Variants in BBS9 observed in about 807,000 individuals in gnomAD.
The protein encoded by BBS9 is protein PTHB1.
Under a neutral mutation model 117.7 loss-of-function variants are expected in BBS9, and 89 were observed. That is an observed-to-expected ratio of 0.76 (90% CI 0.64 to 0.90). BBS9 has a LOEUF of 0.90. Ranked by LOEUF, BBS9 falls within the 40% of genes least tolerant of loss-of-function variation. BBS9 has a pLI of 0.00. For missense variants in BBS9, 982 were observed against 1,042.2 expected (o/e 0.94, Z 0.80); for synonymous variants, 379 against 370.9 (o/e 1.02, Z -0.25).
chr7:33,354,061 T>C (rs1439198116), intron 15 of BBS9, among the ~76,000 whole-genome samples: 1 of 152,136 alleles, frequency 6.6e-6, no homozygotes, highest in Non-Finnish European at 1.5e-5. Flanking sequence ...AATTTATTCC[T>C]TCTTACTGTA....
chr7:33,232,713 A>G (rs1422241283), intron 5 of BBS9, among the ~76,000 whole-genome samples: 1 of 152,172 alleles, frequency 6.6e-6, no homozygotes, highest in Non-Finnish European at 1.5e-5. Context: ...AACTTCTTAC[A>G]TAACACATTA....
intron 3 of BBS9, among the ~76,000 whole-genome samples, chr7:33,154,412 A>G (rs540522586): frequency 6.6e-6 from 1 of 152,320 alleles, no homozygotes; most frequent in East Asian, 1.9e-4. Flanking sequence ...AGTCTGTTCT[A>G]AACAGGCGTT....
chr7:33,525,190 G>A (rs2129047829), intron 20 of BBS9, among the ~76,000 whole-genome samples: 1 of 152,042 alleles, frequency 6.6e-6, no homozygotes. Flanking sequence ...TTTTGGAATA[G>A]GTGTGGTGTG....
intron 2 of BBS9, among the ~76,000 whole-genome samples, chr7:33,150,733 G>C (rs554051524): frequency 6.6e-6 from 1 of 152,278 alleles, no homozygotes; most frequent in African/African-American, 2.4e-5. Flanking sequence ...AAGTATACAT[G>C]CTCTGAGAAG....
intron 20 of BBS9, among the ~76,000 whole-genome samples, chr7:33,532,113 T>C (rs550786026): frequency 1.6e-4 from 24 of 152,184 alleles, no homozygotes; most frequent in Non-Finnish European, 2.9e-4. Flanking sequence ...GTGTGAAGTC[T>C]CAGAGCCCCA....
intron 5 of BBS9, among the ~76,000 whole-genome samples, chr7:33,216,035 C>T (rs1788994344): frequency 6.6e-6 from 1 of 152,146 alleles, no homozygotes; most frequent in South Asian, 2.1e-4. Context: ...ATCTGTAGTT[C>T]ATTGTTACTA....
chr7:33,160,706 TGA>T (rs751645781), intron 4 of BBS9, among the ~76,000 whole-genome samples: 16 of 152,148 alleles, frequency 1.1e-4, no homozygotes, highest in Non-Finnish European at 2.2e-4. Context: ...TTTTGAGTTG[TGA>T]GATTATTAAC....
At chr7:33,475,741 C>A (rs1841711207) in intron 19 of BBS9, among the ~76,000 whole-genome samples, 1 of 152,140 alleles carries the variant, frequency 6.6e-6, no homozygotes, top group South Asian at 2.1e-4. Context: ...TTCACTTTTC[C>A]TTGTAGCATT....
At chr7:33,438,940 A>G (rs1835710130) in intron 19 of BBS9, among the ~76,000 whole-genome samples, 1 of 152,180 alleles carries the variant, frequency 6.6e-6, no homozygotes, top group Non-Finnish European at 1.5e-5. Flanking sequence ...ACCTTAGTTT[A>G]TCATAATTGG....
intron 9 of BBS9, among the ~76,000 whole-genome samples, chr7:33,312,690 C>T (rs1440671386): frequency 6.6e-6 from 1 of 152,132 alleles, no homozygotes; most frequent in African/African-American, 2.4e-5. Flanking sequence ...TAATATTATG[C>T]TTGTGCTGTT....
At chr7:33,447,118 T>C (rs1397385696) in intron 19 of BBS9, among the ~76,000 whole-genome samples, 2 of 152,240 alleles carry the variant, frequency 1.3e-5, no homozygotes, top group African/African-American at 4.8e-5. Flanking sequence ...TCTTACACAT[T>C]ATCATGGAGG....
chr7:33,361,331 T>C (rs534686717), intron 16 of BBS9, among the ~76,000 whole-genome samples: 1 of 152,360 alleles, frequency 6.6e-6, no homozygotes, highest in African/African-American at 2.4e-5. Flanking sequence ...AGTATGTTTC[T>C]ACATTTGCTT....
chr7:33,409,321 G>T (rs1285405996), intron 19 of BBS9, among the ~76,000 whole-genome samples: 3 of 152,162 alleles, frequency 2.0e-5, no homozygotes, highest in African/African-American at 7.2e-5. Context: ...TCCATCTTGA[G>T]TTAATTTTAT....
intron 16 of BBS9, among the ~76,000 whole-genome samples, chr7:33,358,566 G>A (rs1376004774): frequency 1.3e-5 from 2 of 152,010 alleles, no homozygotes; most frequent in East Asian, 3.9e-4. Context: ...GGGGTAATTT[G>A]TGATGGTATG....
At chr7:33,575,701 A>C (rs544138153) in intron 21 of BBS9, among the ~76,000 whole-genome samples, 1 of 152,314 alleles carries the variant, frequency 6.6e-6, no homozygotes, top group Admixed American at 6.5e-5. Context: ...CAAAAAGCTT[A>C]TCCACCACAA....
At chr7:33,263,191 C>A (rs539572261) in intron 6 of BBS9, among the ~76,000 whole-genome samples, 1 of 152,174 alleles carries the variant, frequency 6.6e-6, no homozygotes, top group Non-Finnish European at 1.5e-5. Context: ...ATTCTGCATT[C>A]AACTGAAGTT....
intron 4 of BBS9, among the ~76,000 whole-genome samples, chr7:33,165,342 A>C (rs1795503371): frequency 6.6e-6 from 1 of 151,956 alleles, no homozygotes; most frequent in Non-Finnish European, 1.5e-5. Flanking sequence ...TCTTTGTGGC[A>C]TTATCTGTAT....
At chr7:33,209,508 G>A (rs773557174) in intron 5 of BBS9, among the ~76,000 whole-genome samples, 1 of 152,086 alleles carries the variant, frequency 6.6e-6, no homozygotes, top group African/African-American at 2.4e-5. Context: ...TTGATTTTTT[G>A]TGGAACTTCC....
At chr7:33,231,309 A>G (rs1009305094) in intron 5 of BBS9, among the ~76,000 whole-genome samples, 4 of 152,042 alleles carry the variant, frequency 2.6e-5, no homozygotes, top group Non-Finnish European at 4.4e-5. Context: ...TGGCTCCAGC[A>G]ACAGTTGTTG....
Sources: allele counts gnomAD v4.1 joint callset (sites outside exome capture counted in the v4.1 genomes callset), GRCh38; gene constraint gnomAD v4.1.1; transcripts MANE v1.5; gene names NCBI Gene and HGNC (gene_info 2026-07-23, HGNC 2026-07-21).